The following KCNIP4 variants were observed in gnomAD, a reference collection of about 807,000 sequenced individuals.
KCNIP4 encodes the protein Kv channel-interacting protein 4.
In KCNIP4, 12 loss-of-function variants were observed where a neutral mutation model predicts 34.0. That is an observed-to-expected ratio of 0.35 (90% CI 0.23 to 0.57). The LOEUF (loss-of-function observed/expected upper bound fraction) is 0.57. Ranked by LOEUF, KCNIP4 falls within the 20% of genes least tolerant of loss-of-function variation. The pLI is 0.83. For synonymous variants in KCNIP4, 124 were observed against 102.2 expected (o/e 1.21, Z -1.29); for missense variants, 238 against 311.7 (o/e 0.76, Z 1.78).
chr4:20,737,690 T>G (rs1475666386), intron 5 of KCNIP4, among the ~76,000 whole-genome samples: 1 of 152,208 alleles, frequency 6.6e-6, no homozygotes, highest in Non-Finnish European at 1.5e-5. Flanking sequence ...GAAGCTCTGA[T>G]ACTAAGCAGT....
At chr4:20,875,993 A>C (rs2149515953) in intron 2 of KCNIP4, among the ~76,000 whole-genome samples, 1 of 152,324 alleles carries the variant, frequency 6.6e-6, no homozygotes, top group African/African-American at 2.4e-5. Context: ...TGGTTTATTG[A>C]TGAGTGGTCT....
chr4:20,944,309 A>G (rs1405543724), intron 1 of KCNIP4, among the ~76,000 whole-genome samples: 1 of 152,156 alleles, frequency 6.6e-6, no homozygotes, highest in African/African-American at 2.4e-5. Context: ...TGACATGGTC[A>G]TGAGAAGGAC....
intron 1 of KCNIP4, among the ~76,000 whole-genome samples, chr4:21,233,616 A>T (rs576207289): frequency 2.0e-5 from 3 of 151,728 alleles, no homozygotes; most frequent in Non-Finnish European, 4.4e-5. Flanking sequence ...TAAGGCTTGA[A>T]GCAGAAAGAA....
At chr4:21,520,123 G>C (rs373249477) in intron 1 of KCNIP4, among the ~76,000 whole-genome samples, 53 of 152,060 alleles carry the variant, frequency 3.5e-4, no homozygotes, top group East Asian at 2.7e-3. Context: ...TAGCCAAGCT[G>C]GCAACTGATT....
At chr4:21,694,038 G>T (rs1711982113) in intron 1 of KCNIP4, among the ~76,000 whole-genome samples, 1 of 152,102 alleles carries the variant, frequency 6.6e-6, no homozygotes, top group Admixed American at 6.6e-5. Context: ...ATTGAAAAAT[G>T]TCAAAACAAC....
intron 1 of KCNIP4, among the ~76,000 whole-genome samples, chr4:21,302,770 A>G (rs1711893404): frequency 6.6e-6 from 1 of 152,016 alleles, no homozygotes. Context: ...TCAGAGTGAC[A>G]CACTTATTTT....
intron 1 of KCNIP4, among the ~76,000 whole-genome samples, chr4:21,778,178 A>G (rs929335160): frequency 1.3e-5 from 2 of 148,494 alleles, no homozygotes; most frequent in African/African-American, 5.0e-5. Flanking sequence ...CAAATAGCAA[A>G]TGTGTTTGTA....
intron 1 of KCNIP4, among the ~76,000 whole-genome samples, chr4:21,882,311 T>C (rs1366837829): frequency 2.0e-5 from 3 of 152,124 alleles, no homozygotes; most frequent in African/African-American, 7.2e-5. Context: ...AGTGATTAAT[T>C]TGCTCAAGGT....
rs187770593 is a variant in KCNIP4, at chr4:21,284,077, G to A, written c.62-401368C>T. ...AAATACAAAAAATTAGCCAGGTGTG[G>A]TGGCGGGCGCCTGTAGTCCCAGCTA... On this transcript the variant is annotated intron_variant, in intron 1 of 8. Coordinates refer to ENST00000382152, the MANE Select transcript of KCNIP4 (RefSeq NM_025221.6). 1.6e-3 allele frequency among the ~76,000 whole-genome samples: 246 copies of A among 152,064 alleles called. 2 individuals are homozygous for A. The highest frequency in any genetic ancestry group is 1.2e-3 in the Non-Finnish European group (83 of 67,988).
intron 1 of KCNIP4, among the ~76,000 whole-genome samples, chr4:21,323,203 T>C (rs559455101): frequency 9.3e-5 from 14 of 149,912 alleles, no homozygotes; most frequent in East Asian, 3.9e-4. Context: ...TATGCAGGCA[T>C]GTGGTGTGTA....
chr4:21,441,547 A>G (rs1727484237), intron 1 of KCNIP4, among the ~76,000 whole-genome samples: 1 of 152,176 alleles, frequency 6.6e-6, no homozygotes, highest in East Asian at 1.9e-4. Flanking sequence ...TGAATGATGC[A>G]TCAAAAGTCA....
At chr4:21,558,616 T>G (rs2109028248) in intron 1 of KCNIP4, among the ~76,000 whole-genome samples, 1 of 152,250 alleles carries the variant, frequency 6.6e-6, no homozygotes, top group Non-Finnish European at 1.5e-5. Context: ...ATTAGAGAGT[T>G]CTGTCATATT....
chr4:21,609,114 T>G (rs1250892756), intron 1 of KCNIP4, among the ~76,000 whole-genome samples: 1 of 152,176 alleles, frequency 6.6e-6, no homozygotes, highest in Non-Finnish European at 1.5e-5. Flanking sequence ...TATGTTCAAT[T>G]TGAAATTTGA....
chr4:20,875,468 T>C (rs1290868830), intron 2 of KCNIP4, among the ~76,000 whole-genome samples: 2 of 152,206 alleles, frequency 1.3e-5, no homozygotes, highest in African/African-American at 2.4e-5. Flanking sequence ...ACCAGACACA[T>C]AGTAAGTTCT....
intron 3 of KCNIP4, among the ~76,000 whole-genome samples, chr4:20,792,646 A>G (rs1712923286): frequency 6.6e-6 from 1 of 152,236 alleles, no homozygotes; most frequent in Non-Finnish European, 1.5e-5. Flanking sequence ...ATTAGACAAA[A>G]TAGATTTCAA....
chr4:20,747,891 C>A (rs1411049688), intron 5 of KCNIP4, among the ~76,000 whole-genome samples: 1 of 152,160 alleles, frequency 6.6e-6, no homozygotes, highest in African/African-American at 2.4e-5. Context: ...CCATTTCACC[C>A]AGATAGCTGC....
intron 1 of KCNIP4, among the ~76,000 whole-genome samples, chr4:21,766,739 T>C (rs1718444099): frequency 1.3e-5 from 2 of 152,184 alleles, no homozygotes; most frequent in Non-Finnish European, 2.9e-5. Flanking sequence ...TTTCAAAGTC[T>C]GGCATCTCTT....
intron 1 of KCNIP4, among the ~76,000 whole-genome samples, chr4:21,445,319 A>C (rs1727882200): frequency 6.6e-6 from 1 of 152,238 alleles, no homozygotes; most frequent in Admixed American, 6.5e-5. Flanking sequence ...TTGCCAAGTT[A>C]ATCGTAAGCC....
intron 1 of KCNIP4, among the ~76,000 whole-genome samples, chr4:21,244,108 A>T (rs1444547205): frequency 6.6e-6 from 1 of 152,194 alleles, no homozygotes; most frequent in Non-Finnish European, 1.5e-5. Context: ...CATTTTTACT[A>T]TCATTCATTT....
Sources: allele counts gnomAD v4.1 joint callset (sites outside exome capture counted in the v4.1 genomes callset), GRCh38; gene constraint gnomAD v4.1.1; transcripts MANE v1.5; gene names NCBI Gene and HGNC (gene_info 2026-07-23, HGNC 2026-07-21).